The following ADGRA1 variants were observed in gnomAD, a reference collection of about 807,000 sequenced individuals.
The protein encoded by ADGRA1 is G-protein coupled receptor 123.
A neutral mutation model predicts 21.3 loss-of-function variants in ADGRA1; 12 were observed. The ratio of observed to expected loss-of-function variants is 0.56; its 90% CI spans 0.36 to 0.91. The LOEUF (loss-of-function observed/expected upper bound fraction) is 0.91. Ranked by LOEUF, ADGRA1 falls within the 40% of genes least tolerant of loss-of-function variation. The pLI is 0.01. For missense variants in ADGRA1, 790 were observed against 805.6 expected (o/e 0.98, Z 0.23); for synonymous variants, 385 against 368.8 (o/e 1.04, Z -0.50).
chr10:133,100,605 T>C (rs1851775193), intron 4 of ADGRA1, among the ~76,000 whole-genome samples: 1 of 152,124 alleles, frequency 6.6e-6, no homozygotes, highest in Non-Finnish European at 1.5e-5. Flanking sequence ...TTGGAGGAGA[T>C]CTTGTTAAGG....
intron 2 of ADGRA1, chr10:133,093,386 C>A: frequency 8.6e-7 from 1 of 1,163,236 alleles, no homozygotes; most frequent in Non-Finnish European, 1.2e-6. Flanking sequence ...AGGAGACCTC[C>A]AATTAAAATG....
chr10:133,126,497 T>C (rs1289185863), intron 5 of ADGRA1, among the ~76,000 whole-genome samples: 1 of 152,122 alleles, frequency 6.6e-6, no homozygotes, highest in Non-Finnish European at 1.5e-5. Flanking sequence ...AGCCGGCCCC[T>C]AGGTCACCCA....
intron 5 of ADGRA1, among the ~76,000 whole-genome samples, chr10:133,112,010 C>CCGCCGTGAG (rs1852037465): frequency 7.8e-6 from 1 of 128,002 alleles, no homozygotes. Flanking sequence ...GACCACCTGC[C>CCGCCGTGAG]CACCACAGAC....
chr10:133,102,706 G>A lies in ADGRA1; in HGVS notation c.265G>A (p.Val89Met), dbSNP rs771420841. The A allele has an allele frequency of 4.5e-5, 72 of 1,603,910 alleles. No homozygotes were observed. The South Asian group carries it at 6.1e-4, about 13-fold the overall frequency. ...CGCTGCTCCCCCACAGGTGGGCATCGTGCTGCACTATTCTACACTGTCCAC... is the reference window on the plus strand; with the variant it reads ...CGCTGCTCCCCCACAGGTGGGCATCATGCTGCACTATTCTACACTGTCCAC... ...YPILCQAVGI[V>M]LHYSTLSTML... is the part of the protein sequence containing the mutation. Residue 89 changes from valine (V) to methionine (M), a missense_variant, in exon 5 of 7, where the codon GTG becomes ATG. Coordinates refer to ENST00000392607, the MANE Select transcript of ADGRA1 (RefSeq NM_001083909.3).
chr10:133,129,542 G>A lies in ADGRA1; in HGVS notation c.*31G>A. 6.5e-7 allele frequency: 1 copy of A among 1,534,190 alleles called. No homozygotes were observed. The highest frequency in any genetic ancestry group is 8.8e-7 in the Non-Finnish European group (1 of 1,142,802). ...GGCAGAGGACACGGTGTTCCTGGAG[G>A]AGCTTCAGAGCAGAGTGGGGGGCCC... On this transcript the variant is annotated 3_prime_UTR_variant, in exon 7 of 7. Transcript: ENST00000392607.
intron 5 of ADGRA1, among the ~76,000 whole-genome samples, chr10:133,107,600 T>C (rs958898112): frequency 6.6e-6 from 1 of 152,234 alleles, no homozygotes; most frequent in African/African-American, 2.4e-5. Flanking sequence ...GATGGTTGAC[T>C]TGAGCTCATT....
At chr10:133,102,338 G>C (rs1437388879) in intron 4 of ADGRA1, 3 of 513,986 alleles carry the variant, frequency 5.8e-6, no homozygotes, top group Non-Finnish European at 1.2e-5. Context: ...CACCTATCCA[G>C]GTCTGAGCTC....
Position 133,102,765 on chromosome 10 carries a change from C to T in ADGRA1, c.324C>T (p.Ile108=), listed in dbSNP as rs775224638. ...MLWIGVTARN[I]YKQVTKKAPL... is the part of the protein sequence containing the mutation. Reference sequence around the variant, plus strand: ...GGATAGGAGTGACCGCCAGGAACATCTACAAGCAGGTGACCAAGAAGGCCC... The same window carrying T: ...GGATAGGAGTGACCGCCAGGAACATTTACAAGCAGGTGACCAAGAAGGCCC... The change falls in exon 5 of 7, where the codon ATC becomes ATT. Residue 108 remains isoleucine, a synonymous_variant. Coordinates refer to ENST00000392607, the MANE Select transcript of ADGRA1 (RefSeq NM_001083909.3). 1 of 1,612,756 alleles carries T rather than the reference C, an allele frequency of 6.2e-7. No individual in the cohort carries two copies. Among genetic ancestry groups the T allele is most frequent in the Non-Finnish European group, 8.5e-7 (1 of 1,179,880 alleles).
chr10:133,121,800 T>C (rs966002706), intron 5 of ADGRA1, among the ~76,000 whole-genome samples: 2 of 149,782 alleles, frequency 1.3e-5, no homozygotes, highest in Admixed American at 6.6e-5. Flanking sequence ...CCAGTGTGTG[T>C]GTGAGTGTGC....
rs1564849985 is a variant in ADGRA1 at position 133,112,364 on chromosome 10, TGCGG to T, written c.401+9525_401+9528del. ...CAGGCTGCGTCAGTTATTTGGGGTC[TGCGG>T]GCCGTGTCGGTTATTTGGGGTCTAC... is the stretch of plus-strand genomic sequence containing the variant. On this transcript the variant is annotated intron_variant, in intron 5 of 6. Coordinates refer to ENST00000392607, the MANE Select transcript of ADGRA1 (RefSeq NM_001083909.3). Among the ~76,000 whole-genome samples the T allele has an allele frequency of 1.2e-3, 183 of 151,398 alleles. 1 individual carries two copies. The highest frequency in any genetic ancestry group is 2.1e-3 in the African/African-American group (88 of 41,168).
rs1372654414 is a variant in ADGRA1 at position 133,092,417 on chromosome 10, TC to T, written c.3+3506del. 1.3e-5 allele frequency among the ~76,000 whole-genome samples: 2 copies of T among 152,110 alleles called. 1 individual carries two copies. Among genetic ancestry groups the T allele is most frequent in the Non-Finnish European group, 2.9e-5 (2 of 68,028 alleles). ...TTTAACACTTTTTTCCCAAATCTCT[TC>T]AAAACTTCACTAGCCCATCTACTCC... On this transcript the variant is annotated intron_variant, in intron 2 of 6. Transcript: ENST00000392607.
intron 5 of ADGRA1, among the ~76,000 whole-genome samples, chr10:133,120,166 G>A (rs1852228811): frequency 6.6e-6 from 1 of 152,368 alleles, no homozygotes; most frequent in African/African-American, 2.4e-5. Context: ...CACTTTGGGA[G>A]GCCGAGGCAG....
In ADGRA1 at chr10:133,114,057, C is replaced by T. The variant is rs567850619; in HGVS notation, c.401+11215C>T. Among the ~76,000 whole-genome samples, 4 of 152,354 alleles carry T rather than the reference C, an allele frequency of 2.6e-5. No individual in the cohort carries two copies. The East Asian group carries it at 5.8e-4, about 22-fold the overall frequency. On this transcript the variant is annotated intron_variant, in intron 5 of 6. Coordinates refer to ENST00000392607, the MANE Select transcript of ADGRA1 (RefSeq NM_001083909.3). The stretch of plus-strand genomic sequence containing the variant: ...ACCATGAGTACCTCCGTCTCCTGCC[C>T]GGTCCTGTTGTCTACTGACAGCAGC...
At position 133,098,726 on chromosome 10, in the gene ADGRA1, G is replaced by T. The variant is rs1591169290; in HGVS notation, c.218G>T (p.Gly73Val). 1 of 1,611,748 alleles carries T rather than the reference G, an allele frequency of 6.2e-7. No homozygotes were observed. Among genetic ancestry groups the T allele is most frequent in the East Asian group, 2.2e-5 (1 of 44,882 alleles). Residue 73 changes from glycine (G) to valine (V), a missense_variant, in exon 4 of 7, where the codon GGC (glycine) becomes GTC (valine). Physicochemically the swap from Gly to Val is moderately radical, Grantham distance 109. Transcript: ENST00000392607. The stretch of plus-strand genomic sequence containing the variant: ...CTGACCTTCACTGTGTTCGCCGGCG[G>T]CATCAATCGCACCAAGTACCCCATC... The part of the protein sequence containing the change: ...AALTFTVFAG[G>V]INRTKYPILC...
intron 4 of ADGRA1, among the ~76,000 whole-genome samples, chr10:133,099,294 C>A (rs1359414879): frequency 6.6e-6 from 1 of 152,108 alleles, no homozygotes; most frequent in Non-Finnish European, 1.5e-5. Context: ...CAGCCCACCC[C>A]TCCCGGAGAG....
intron 6 of ADGRA1, among the ~76,000 whole-genome samples, chr10:133,127,918 T>G (rs1306393352): frequency 7.1e-5 from 8 of 112,272 alleles, no homozygotes; most frequent in Non-Finnish European, 1.3e-4. Flanking sequence ...CCCACCAGGC[T>G]CCACCCTCTG....
At chr10:133,106,847 C>A (rs150080859) in intron 5 of ADGRA1, among the ~76,000 whole-genome samples, 136 of 152,352 alleles carry the variant, frequency 8.9e-4, no homozygotes, top group South Asian at 3.1e-3. Flanking sequence ...GTGCCCATCG[C>A]GGGCTCCTGG....
At chr10:133,112,795 C>T in intron 5 of ADGRA1, among the ~76,000 whole-genome samples, 1 of 135,638 alleles carries the variant, frequency 7.4e-6, no homozygotes, top group Non-Finnish European at 1.5e-5. Context: ...TATTTGGGGT[C>T]TGCGGGCCGT....
At position 133,090,209 on chromosome 10, in the gene ADGRA1, C is replaced by T. The variant is rs192704103; in HGVS notation, c.3+1297C>T. ...CTTGGCCCTTCTGCGAACAACTGTG[C>T]GGGGGCCTCCCCAATCCAAGAAGGG... is the stretch of plus-strand genomic sequence containing the variant. On this transcript the variant is annotated intron_variant, in intron 2 of 6. Coordinates refer to ENST00000392607, the MANE Select transcript of ADGRA1 (RefSeq NM_001083909.3). Among the ~76,000 whole-genome samples, 949 of 152,338 alleles carry T rather than the reference C, an allele frequency of 6.2e-3. 16 individuals carry two copies. The highest frequency in any genetic ancestry group is 0.022 in the African/African-American group (916 of 41,580).
Sources: gnomAD v4.1 joint callset for allele counts (sites outside exome capture counted in the v4.1 genomes callset) on GRCh38, gnomAD v4.1.1 for gene constraint, MANE v1.5 for transcripts, NCBI Gene and HGNC (gene_info 2026-07-23, HGNC 2026-07-21) for gene names.